The following FKBP5 variants were observed in gnomAD, a reference collection of about 807,000 sequenced individuals.
FKBP5 encodes the protein peptidyl-prolyl cis-trans isomerase FKBP5.
In FKBP5, 23 loss-of-function variants were observed where a neutral mutation model predicts 50.5. That is an observed-to-expected ratio of 0.46 (90% CI 0.33 to 0.65). FKBP5 has a LOEUF of 0.65. Ranked by LOEUF, FKBP5 falls within the 30% of genes least tolerant of loss-of-function variation. The probability of loss-of-function intolerance (pLI) is 0.02; values close to 1 mark genes in which losing one functional copy is unlikely to be tolerated. For missense variants in FKBP5, 411 were observed against 553.1 expected, an observed-to-expected ratio of 0.74 and a Z score of 2.58; for synonymous variants, 176 against 190.6, an observed-to-expected ratio of 0.92 and a Z score of 0.63.
At chr6:35,701,313 G>A (rs1485026857) in intron 2 of FKBP5, among the ~76,000 whole-genome samples, 3 of 146,412 alleles carry the variant, frequency 2.0e-5, no homozygotes, top group African/African-American at 5.0e-5. Context: ...GCGGGATCTC[G>A]GCTCACTGCA....
chr6:35,646,767 A>G (rs1451913795), intron 1 of FKBP5, among the ~76,000 whole-genome samples: 1 of 152,218 alleles, frequency 6.6e-6, no homozygotes, highest in Non-Finnish European at 1.5e-5. Context: ...TTGCTACCCA[A>G]TGCATCAGAA....
At chr6:35,666,332 T>C (rs1274804101) in intron 1 of FKBP5, among the ~76,000 whole-genome samples, 1 of 128,718 alleles carries the variant, frequency 7.8e-6, no homozygotes, top group African/African-American at 3.0e-5. Flanking sequence ...TTCCAGGAAA[T>C]AACCTGTAGA....
intron 3 of FKBP5, among the ~76,000 whole-genome samples, chr6:35,621,414 G>A (rs1763833507): frequency 6.6e-6 from 1 of 152,008 alleles, no homozygotes; most frequent in African/African-American, 2.4e-5. Context: ...CTTGAGGCCA[G>A]GAATTCAAGC....
At chr6:35,579,726 T>C (rs1390893625) in intron 9 of FKBP5, among the ~76,000 whole-genome samples, 2 of 152,234 alleles carry the variant, frequency 1.3e-5, no homozygotes, top group African/African-American at 4.8e-5. Context: ...TGAGGAGTTA[T>C]ACGTCTACTC....
At chr6:35,619,311 G>T in intron 4 of FKBP5, 101 bp from the exon 5 acceptor site, 1 of 703,682 alleles carries the variant, frequency 1.4e-6, no homozygotes, top group Non-Finnish European at 2.4e-6. Flanking sequence ...ACAAAATAAA[G>T]CTGTTTTAAA....
At chr6:35,632,402 G>T (rs1172033902) in intron 3 of FKBP5, among the ~76,000 whole-genome samples, 1 of 152,034 alleles carries the variant, frequency 6.6e-6, no homozygotes, top group African/African-American at 2.4e-5. Context: ...TAAAACCAGT[G>T]AAAAATCCTA....
intron 8 of FKBP5, chr6:35,585,368 C>A: frequency 9.2e-6 from 9 of 978,616 alleles, no homozygotes; most frequent in Non-Finnish European, 1.1e-5. Context: ...ATCCAATATA[C>A]CTCAATTAGA....
chr6:35,659,460 C>T (rs1374129522), intron 1 of FKBP5, among the ~76,000 whole-genome samples: 1 of 82,984 alleles, frequency 1.2e-5, no homozygotes, highest in African/African-American at 3.7e-5. Flanking sequence ...TTGGTCAGGC[C>T]GGTCTCAAAG....
At chr6:35,671,288 A>C (rs1310824023) in intron 1 of FKBP5, among the ~76,000 whole-genome samples, 6 of 151,566 alleles carry the variant, frequency 4.0e-5, no homozygotes, top group Non-Finnish European at 5.9e-5. Context: ...ATAATAAATA[A>C]ATAAACAAAA....
intron 2 of FKBP5, among the ~76,000 whole-genome samples, chr6:35,641,402 T>C (rs1239992486): frequency 6.6e-6 from 1 of 152,224 alleles, no homozygotes; most frequent in Non-Finnish European, 1.5e-5. Flanking sequence ...TTATGTACTA[T>C]ACATAACTGT....
At chr6:35,712,954 G>A (rs1221106029) in intron 2 of FKBP5, among the ~76,000 whole-genome samples, 1 of 151,886 alleles carries the variant, frequency 6.6e-6, no homozygotes, top group African/African-American at 2.4e-5. Flanking sequence ...GTGGGTGCCT[G>A]TAGTCCCAGC....
At chr6:35,717,775 C>T (rs988240506) in intron 2 of FKBP5, among the ~76,000 whole-genome samples, 3 of 152,120 alleles carry the variant, frequency 2.0e-5, no homozygotes, top group African/African-American at 7.2e-5. Context: ...GCTGAGGCCC[C>T]GCCGTCTCAT....
chr6:35,678,254 G>T (rs891902826), intron 1 of FKBP5, among the ~76,000 whole-genome samples: 3 of 151,924 alleles, frequency 2.0e-5, no homozygotes, highest in Admixed American at 6.6e-5. Context: ...AGTGGGGAGG[G>T]GTCATGTTGG....
intron 5 of FKBP5, among the ~76,000 whole-genome samples, chr6:35,618,297 AG>A (rs1763718738): frequency 6.6e-6 from 1 of 152,238 alleles, no homozygotes; most frequent in Non-Finnish European, 1.5e-5. Context: ...GAGTTTGTAG[AG>A]GCTGGTAGCA....
At chr6:35,623,765 T>C (rs899284902) in intron 3 of FKBP5, among the ~76,000 whole-genome samples, 1 of 151,784 alleles carries the variant, frequency 6.6e-6, no homozygotes, top group African/African-American at 2.4e-5. Context: ...TTTTTTTTTT[T>C]TGTAGACAGT....
chr6:35,586,348 A>C (rs1004136318), intron 8 of FKBP5: 19 of 985,220 alleles, frequency 1.9e-5, no homozygotes, highest in Non-Finnish European at 2.0e-5. Flanking sequence ...TCCTCATAAA[A>C]GCAAGTGTGC....
chr6:35,691,628 C>T (rs773645768), upstream of FKBP5, among the ~76,000 whole-genome samples: 3 of 152,130 alleles, frequency 2.0e-5, no homozygotes, highest in African/African-American at 7.2e-5. Context: ...TCCACAGTTC[C>T]GATGGCAGCC....
chr6:35,700,969 T>A (rs1581894256), intron 2 of FKBP5, among the ~76,000 whole-genome samples: 1 of 151,650 alleles, frequency 6.6e-6, no homozygotes. Context: ...AAAAATAAAT[T>A]AAAAAATAAA....
intron 1 of FKBP5, among the ~76,000 whole-genome samples, chr6:35,673,366 A>C (rs779571168): frequency 2.0e-5 from 3 of 152,180 alleles, no homozygotes; most frequent in Non-Finnish European, 4.4e-5. Context: ...CCTAGGCAAC[A>C]GAGTGAGACC....
Sources: gnomAD v4.1 joint callset for allele counts (sites outside exome capture counted in the v4.1 genomes callset) on GRCh38, gnomAD v4.1.1 for gene constraint, MANE v1.5 for transcripts, NCBI Gene and HGNC (gene_info 2026-07-23, HGNC 2026-07-21) for gene names.